The following RAB7A variants were observed in gnomAD, a reference collection of about 807,000 sequenced individuals.
RAB7A encodes ras-related protein Rab-7a.
In RAB7A, 2 loss-of-function variants were observed where a neutral mutation model predicts 24.5. The observed-to-expected ratio is 0.08, with a 90% CI of 0.03 to 0.26. RAB7A has a LOEUF of 0.26. Among genes scored for constraint, RAB7A ranks in the 10% least tolerant of loss-of-function variants. The pLI is 1.00. For missense variants in RAB7A, 118 were observed against 255.7 expected (o/e 0.46, Z 3.67); for synonymous variants, 100 against 95.9 (o/e 1.04, Z -0.25).
At chr3:128,770,883 A>G (rs1024063639) in intron 1 of RAB7A, among the ~76,000 whole-genome samples, 2 of 152,104 alleles carry the variant, frequency 1.3e-5, no homozygotes, top group African/African-American at 4.8e-5. Flanking sequence ...TTTTCCATAA[A>G]GCATTTGGGA....
intron 5 of RAB7A, among the ~76,000 whole-genome samples, chr3:128,808,361 A>G (rs1488430238): frequency 2.0e-5 from 3 of 152,128 alleles, no homozygotes; most frequent in African/African-American, 7.2e-5. Flanking sequence ...CTCTGTCTAA[A>G]AAAAATTAAA....
intron 1 of RAB7A, among the ~76,000 whole-genome samples, chr3:128,758,249 C>G (rs550265638): frequency 6.6e-6 from 1 of 151,456 alleles, no homozygotes; most frequent in East Asian, 1.9e-4. Flanking sequence ...CAGGTGTGAG[C>G]CACCACCCCA....
At chr3:128,742,112 G>A (rs912128352) in intron 1 of RAB7A, among the ~76,000 whole-genome samples, 2 of 152,146 alleles carry the variant, frequency 1.3e-5, no homozygotes, top group Non-Finnish European at 2.9e-5. Flanking sequence ...TGGTGGGTTC[G>A]TGGTCTCGCT....
At chr3:128,812,812 A>T (rs1023679464) in intron 5 of RAB7A, among the ~76,000 whole-genome samples, 2 of 152,200 alleles carry the variant, frequency 1.3e-5, no homozygotes, top group Non-Finnish European at 2.9e-5. Flanking sequence ...CGAAAAGTGG[A>T]TGGAAGATAG....
chr3:128,774,546 C>T (rs554678004), intron 1 of RAB7A, among the ~76,000 whole-genome samples: 9 of 152,094 alleles, frequency 5.9e-5, no homozygotes, highest in South Asian at 2.1e-4. Context: ...ACTGTAACCT[C>T]TGCCTCCTGG....
intron 1 of RAB7A, among the ~76,000 whole-genome samples, chr3:128,773,003 G>C (rs970710788): frequency 6.6e-6 from 1 of 152,118 alleles, no homozygotes; most frequent in Non-Finnish European, 1.5e-5. Flanking sequence ...GCCTCTGCCC[G>C]GCCACCACCC....
At chr3:128,798,822 A>T (rs1564938) in intron 3 of RAB7A, 4 of 49,424 alleles carry the variant, frequency 8.1e-5, no homozygotes, top group Non-Finnish European at 1.7e-4. Context: ...CTCTAAATTT[A>T]AAAAAAAAAA....
chr3:128,736,420 TC>T (rs2107583667), intron 1 of RAB7A, among the ~76,000 whole-genome samples: 1 of 152,322 alleles, frequency 6.6e-6, no homozygotes, highest in South Asian at 2.1e-4. Context: ...TGGTGAATCT[TC>T]AAGCACTATC....
At chr3:128,750,533 G>A (rs1180664828) in intron 1 of RAB7A, among the ~76,000 whole-genome samples, 1 of 152,078 alleles carries the variant, frequency 6.6e-6, no homozygotes, top group Non-Finnish European at 1.5e-5. Flanking sequence ...AAGTGCTGGG[G>A]TTACAGGTGT....
intron 1 of RAB7A, among the ~76,000 whole-genome samples, chr3:128,789,031 T>A: frequency 1.3e-5 from 2 of 152,364 alleles, no homozygotes; most frequent in South Asian, 4.1e-4. Context: ...GTACCAATAC[T>A]GGTAGTTTCG....
intron 5 of RAB7A, among the ~76,000 whole-genome samples, chr3:128,808,001 A>G (rs569989835): frequency 3.9e-5 from 6 of 152,156 alleles, no homozygotes; most frequent in Non-Finnish European, 8.8e-5. Context: ...TAAGGAGGAA[A>G]TAAACTTGAA....
In RAB7A at chr3:128,813,320, T is replaced by C; in HGVS notation, c.529-7T>C. ...AGTAACCAACCTTTCTCTGTTTCCT[T>C]GTCCAGGAAACGGAGGTGGAGCTGT... On this transcript the variant is annotated splice_polypyrimidine_tract_variant and splice_region_variant and intron_variant, in intron 5 of 5. Coordinates refer to ENST00000265062, the MANE Select transcript of RAB7A (RefSeq NM_004637.6). 6.2e-7 allele frequency: 1 copy of C among 1,611,440 alleles called. No homozygotes were observed. The highest frequency in any genetic ancestry group is 8.5e-7 in the Non-Finnish European group (1 of 1,177,520).
At chr3:128,751,883 C>A (rs1184506021) in intron 1 of RAB7A, among the ~76,000 whole-genome samples, 2 of 152,282 alleles carry the variant, frequency 1.3e-5, no homozygotes, top group South Asian at 4.1e-4. Flanking sequence ...CCATGCTGTT[C>A]TCGAGTTAGG....
intron 2 of RAB7A, among the ~76,000 whole-genome samples, chr3:128,797,221 A>G (rs563464449): frequency 3.9e-5 from 6 of 152,218 alleles, no homozygotes; most frequent in Middle Eastern, 3.4e-3. Flanking sequence ...CTGTCTAGGT[A>G]CCTCCAGGTT....
At chr3:128,731,960 G>T (rs905186480) in intron 1 of RAB7A, among the ~76,000 whole-genome samples, 1 of 148,718 alleles carries the variant, frequency 6.7e-6, no homozygotes, top group African/African-American at 2.5e-5. Flanking sequence ...AGCCGGGATC[G>T]TGCCATTGCA....
chr3:128,801,096 G>GT (rs1312360536), intron 3 of RAB7A, among the ~76,000 whole-genome samples: 3 of 152,176 alleles, frequency 2.0e-5, no homozygotes, highest in African/African-American at 4.8e-5. Flanking sequence ...ATTCCAGAGT[G>GT]TTTTTTGTAT....
chr3:128,787,000 C>G (rs1179153172), intron 1 of RAB7A, among the ~76,000 whole-genome samples: 1 of 152,200 alleles, frequency 6.6e-6, no homozygotes, highest in Non-Finnish European at 1.5e-5. Context: ...TATATAACCT[C>G]AACCATTTGA....
At chr3:128,773,909 C>T (rs543287812) in intron 1 of RAB7A, among the ~76,000 whole-genome samples, 33 of 151,654 alleles carry the variant, frequency 2.2e-4, no homozygotes, top group Non-Finnish European at 4.0e-4. Context: ...CATCACCACT[C>T]CCTAATCTCA....
At chr3:128,797,515 C>T (rs920899987) in intron 2 of RAB7A, among the ~76,000 whole-genome samples, 14 of 152,212 alleles carry the variant, frequency 9.2e-5, no homozygotes, top group African/African-American at 3.1e-4. Context: ...CAAGGTCTTC[C>T]TCCTGGTGTT....
Sources: allele counts gnomAD v4.1 joint callset (sites outside exome capture counted in the v4.1 genomes callset), GRCh38; gene constraint gnomAD v4.1.1; transcripts MANE v1.5; gene names NCBI Gene and HGNC (gene_info 2026-07-23, HGNC 2026-07-21).